Variants in PEAK1 observed in about 807,000 individuals in gnomAD.
PEAK1 encodes the protein pseudopodium enriched atypical kinase 1.
In PEAK1, 54 loss-of-function variants were observed where a neutral mutation model predicts 124.7. The observed-to-expected ratio is 0.43, with a 90% CI of 0.35 to 0.54. PEAK1 has a LOEUF of 0.54. Ranked by LOEUF, PEAK1 falls within the 20% of genes least tolerant of loss-of-function variation. The probability of loss-of-function intolerance (pLI) is 0.01; values close to 1 mark genes in which losing one functional copy is unlikely to be tolerated. For synonymous variants in PEAK1, 719 were observed against 760.0 expected (o/e 0.95, Z 0.89); for missense variants, 2,046 against 2,134.5 (o/e 0.96, Z 0.82).
intron 1 of PEAK1, among the ~76,000 whole-genome samples, chr15:77,368,497 G>A (rs556006773): frequency 2.6e-4 from 39 of 150,620 alleles, no homozygotes; most frequent in South Asian, 8.3e-4. Context: ...CAGCCTGGGC[G>A]ACAGAGCAAG....
chr15:77,132,072 G>T (rs192633893), intron 9 of PEAK1, among the ~76,000 whole-genome samples: 3 of 152,062 alleles, frequency 2.0e-5, no homozygotes, highest in African/African-American at 7.2e-5. Context: ...AAAAAGCAAA[G>T]CTCAAGGGTT....
At chr15:77,269,403 G>A (rs1437025201) in intron 5 of PEAK1, among the ~76,000 whole-genome samples, 1 of 152,124 alleles carries the variant, frequency 6.6e-6, no homozygotes, top group Non-Finnish European at 1.5e-5. Context: ...TAAATCAACA[G>A]CTGTTAAAAA....
intron 2 of PEAK1, chr15:77,349,670 A>G: frequency 1.0e-6 from 1 of 984,706 alleles, no homozygotes; most frequent in Non-Finnish European, 1.2e-6. Flanking sequence ...TACTTAATCA[A>G]TCCTTTACAT....
intron 2 of PEAK1, among the ~76,000 whole-genome samples, chr15:77,328,882 C>T (rs187847376): frequency 1.1e-3 from 166 of 152,274 alleles, no homozygotes; most frequent in Admixed American, 3.4e-3. Context: ...TGAAAATCTA[C>T]ATGCCAATTA....
In PEAK1 at chr15:77,181,360, T is replaced by G; in HGVS notation, c.567A>C (p.Glu189Asp). 1 of 1,614,212 alleles carries G rather than the reference T, an allele frequency of 6.2e-7. No homozygotes were observed. The highest frequency in any genetic ancestry group is 1.7e-5 in the Admixed American group (1 of 60,024). The change falls in exon 7 of 10, where the codon GAA becomes GAC. Residue 189 changes from glutamate to aspartate, a missense_variant. By Grantham distance (45) the Glu-to-Asp change is conservative. Coordinates refer to ENST00000682557, the MANE Select transcript of PEAK1 (RefSeq NM_001385026.1). The stretch of plus-strand genomic sequence containing the variant: ...TCATGCAACTTGGTGGAAGCTTTCT[T>G]TCCAATGATCGTTTATAGCAATCAT... Reference protein sequence around the residue: ...RINDCYKRSLERKLPPSCMIG... With the variant: ...RINDCYKRSLDRKLPPSCMIG...
At chr15:77,128,682 C>G (rs1233273593) in intron 9 of PEAK1, among the ~76,000 whole-genome samples, 1 of 152,152 alleles carries the variant, frequency 6.6e-6, no homozygotes, top group Non-Finnish European at 1.5e-5. Context: ...TGATTTCTTT[C>G]TCTTGGAATG....
rs1156703268 is a variant in PEAK1, at chr15:77,161,123, GCTCA to G, written c.3138-2431_3138-2428del. ...AAATATTAGAAAACTCACCCGCTGT[GCTCA>G]CTAACACAATTCCCCATTAAAGGAA... On this transcript the variant is annotated intron_variant, in intron 7 of 9. Coordinates refer to ENST00000682557, the MANE Select transcript of PEAK1 (RefSeq NM_001385026.1). Among the ~76,000 whole-genome samples the G allele has an allele frequency of 1.2e-4, 18 of 152,310 alleles. No individual in the cohort carries two copies. In the East Asian group the frequency reaches 2.9e-3, roughly 24 times the overall value.
intron 2 of PEAK1, chr15:77,334,707 ATCTC>A (rs376632913): frequency 1.3e-5 from 13 of 985,102 alleles, no homozygotes; most frequent in East Asian, 1.1e-4. Flanking sequence ...TGTGTGCTAC[ATCTC>A]TCTCTTTCTG....
chr15:77,230,859 C>A (rs1225557075), intron 6 of PEAK1, among the ~76,000 whole-genome samples: 1 of 151,704 alleles, frequency 6.6e-6, no homozygotes, highest in Non-Finnish European at 1.5e-5. Flanking sequence ...AACAAAAAAC[C>A]AAACCAACCA....
At chr15:77,251,971 A>G (rs184034260) in intron 6 of PEAK1, among the ~76,000 whole-genome samples, 144 of 152,340 alleles carry the variant, frequency 9.5e-4, no homozygotes, top group Non-Finnish European at 1.9e-3. Context: ...CTGTGATACC[A>G]CTGGAGCTGT....
At chr15:77,286,589 A>T in intron 2 of PEAK1, 85 bp from the exon 3 acceptor site, 1 of 583,322 alleles carries the variant, frequency 1.7e-6, no homozygotes, top group Non-Finnish European at 2.5e-6. Context: ...TTAATTCACC[A>T]TAAAGCAGAA....
intron 2 of PEAK1, among the ~76,000 whole-genome samples, chr15:77,319,812 T>C (rs2065086176): frequency 6.6e-6 from 1 of 152,172 alleles, no homozygotes; most frequent in Non-Finnish European, 1.5e-5. Context: ...TGCACCCATT[T>C]AGAGCAGTGC....
Position 77,133,161 on chromosome 15 carries a change from G to A in PEAK1, c.3921C>T (p.Asp1307=). 6.2e-7 allele frequency: 1 copy of A among 1,614,180 alleles called. No homozygotes were observed. Among genetic ancestry groups the A allele is most frequent in the Non-Finnish European group, 8.5e-7 (1 of 1,180,028 alleles). ...ALKKLAVKCE[D]LFMAGQKDQL... is the part of the protein sequence containing the mutation. ...GGTCTTTCTGCCCAGCCATGAAAAG[G>A]TCTTCGCATTTAACAGCCAGTTTCT... The change falls in exon 9 of 10, where the codon GAC becomes GAT. Residue 1307 remains aspartate (D), a synonymous_variant. Transcript: ENST00000682557. The surrounding 1 kb of genome is among the most constrained non-coding windows in gnomAD (Gnocchi z 4.2).
At chr15:77,228,309 G>A (rs183399846) in intron 6 of PEAK1, among the ~76,000 whole-genome samples, 2 of 152,218 alleles carry the variant, frequency 1.3e-5, no homozygotes, top group African/African-American at 2.4e-5. Context: ...GTACTTTCGA[G>A]TGGGCTCACA....
At chr15:77,283,570 A>C (rs1334241378) in intron 5 of PEAK1, among the ~76,000 whole-genome samples, 1 of 152,236 alleles carries the variant, frequency 6.6e-6, no homozygotes, top group Non-Finnish European at 1.5e-5. Context: ...ACAACTACAA[A>C]GTGGAAATAA....
At chr15:77,398,262 A>T (rs924617069) in intron 1 of PEAK1, among the ~76,000 whole-genome samples, 1 of 152,202 alleles carries the variant, frequency 6.6e-6, no homozygotes, top group Non-Finnish European at 1.5e-5. Context: ...CTATGAGGCC[A>T]GTATTACCTT....
chr15:77,169,220 G>C (rs1027796395), intron 7 of PEAK1, among the ~76,000 whole-genome samples: 3 of 152,136 alleles, frequency 2.0e-5, no homozygotes, highest in African/African-American at 7.2e-5. Context: ...ACACTACTAG[G>C]CCTGGTTGAA....
chr15:77,336,313 T>C, intron 2 of PEAK1: 4 of 985,438 alleles, frequency 4.1e-6, no homozygotes, highest in Non-Finnish European at 4.8e-6. Context: ...GCAGAGTTAC[T>C]TGCAACGAGG....
At chr15:77,379,234 G>A (rs1317448218) in intron 1 of PEAK1, among the ~76,000 whole-genome samples, 2 of 152,074 alleles carry the variant, frequency 1.3e-5, no homozygotes, top group African/African-American at 2.4e-5. Context: ...AAAAATCTGG[G>A]GATGTCCACA....
Sources: allele counts gnomAD v4.1 joint callset (sites outside exome capture counted in the v4.1 genomes callset), GRCh38; gene constraint gnomAD v4.1.1; non-coding constraint Gnocchi (gnomAD v3.1); transcripts MANE v1.5; gene names NCBI Gene and HGNC (gene_info 2026-07-23, HGNC 2026-07-21).